The following TLN1 variants were observed in gnomAD, a reference collection of about 807,000 sequenced individuals.
TLN1 encodes talin 1, also known as talin-1.
In TLN1, 56 loss-of-function variants were observed where a neutral mutation model predicts 292.3. That is an observed-to-expected ratio of 0.19 (90% CI 0.15 to 0.24). The LOEUF (loss-of-function observed/expected upper bound fraction) is 0.24, where lower values mean the gene tolerates loss of function less well. Ranked by LOEUF, TLN1 falls within the 10% of genes least tolerant of loss-of-function variation. The pLI, the probability that TLN1 is intolerant of heterozygous loss-of-function variation, is 1.00. For synonymous variants in TLN1, 1,119 were observed against 1,253.7 expected (o/e 0.89, Z 2.27); for missense variants, 2,433 against 3,248.2 (o/e 0.75, Z 6.10).
At position 35,699,924 on chromosome 9, in the gene TLN1, C is replaced by T; in HGVS notation, c.6768+50G>A. 1 of 1,549,512 alleles carries T rather than the reference C, an allele frequency of 6.5e-7. No homozygotes were observed. The highest frequency in any genetic ancestry group is 8.8e-7 in the Non-Finnish European group (1 of 1,133,126). On this transcript the variant is annotated intron_variant, in intron 50 of 56. Coordinates refer to ENST00000314888, the MANE Select transcript of TLN1 (RefSeq NM_006289.4). The surrounding 1 kb of genome is among the most constrained non-coding windows in gnomAD (Gnocchi z 4.0). ...GGGTGCGAGGCCTGCAGGAAGAGGG[C>T]TGTGTATTCAGGGAGGCTGGTATGA...
rs781627839 is a variant in TLN1, at chr9:35,718,843, A to G, written c.1964T>C (p.Ile655Thr). 1.6e-5 allele frequency: 26 copies of G among 1,613,650 alleles called. No homozygotes were observed. The highest frequency in any genetic ancestry group is 5.3e-5 in the African/African-American group (4 of 74,898). Residue 655 changes from isoleucine to threonine, a missense_variant, in exon 17 of 57, where the codon ATT becomes ACT. Around this residue, in one of 7 missense-constraint regions of TLN1, gnomAD observed 617 missense variants for 770.6 expected, o/e 0.80. Transcript: ENST00000314888. The stretch of plus-strand genomic sequence containing the variant: ...GTGGGGGTCAGTATCACTTTCCCCA[A>G]TTTGTTGCAACAGCTCCCCACTGGC... ...GQASGELLQQ[I>T]GESDTDPHFQ...
Position 35,710,855 on chromosome 9 carries a change from T to C in TLN1, c.4145A>G (p.Gln1382Arg). The C allele has an allele frequency of 6.2e-7, 1 of 1,614,252 alleles. No homozygotes were observed. The highest frequency in any genetic ancestry group is 8.5e-7 in the Non-Finnish European group (1 of 1,180,038). ...TVRELLENPV[Q>R]PINDMSYFGC... The stretch of plus-strand genomic sequence containing the variant: ...AAAGTAGGACATGTCATTGATGGGC[T>C]GGACTGGGTTCTCCAGGAGTTCCCG... Residue 1382 changes from glutamine to arginine, a missense_variant, in exon 32 of 57, where the codon CAG (glutamine) becomes CGG (arginine). Around this residue, in one of 7 missense-constraint regions of TLN1, gnomAD observed 1,384 missense variants for 1,699.6 expected, o/e 0.81. Transcript: ENST00000314888.
At chr9:35,723,182 A>C (rs993046889) in intron 7 of TLN1, 1 of 295,754 alleles carries the variant, frequency 3.4e-6, no homozygotes, top group Non-Finnish European at 6.5e-6. Flanking sequence ...GCTCACCAAA[A>C]CCTCCACCTC....
In TLN1 at chr9:35,698,906, C is replaced by T; in HGVS notation, c.7027G>A (p.Glu2343Lys). ...KEADESLNFE[E>K]QILEAAKSIA... The stretch of plus-strand genomic sequence containing the variant: ...GACTTGGCAGCTTCTAGTATCTGCT[C>T]CTCAAAGTTCAAGGACTCATCTGCC... Residue 2343 changes from glutamate (E) to lysine (K), a missense_variant, in exon 53 of 57, where the codon GAG becomes AAG. By Grantham distance (56) the Glu-to-Lys change is moderately conservative. This residue lies in a region of TLN1 where 1,384 missense variants were observed against 1,699.6 expected (regional missense o/e 0.81). Coordinates refer to ENST00000314888, the MANE Select transcript of TLN1 (RefSeq NM_006289.4). This position sits in a 1 kb window ranked among gnomAD's most constrained non-coding sequence, Gnocchi z 5.3. 6.2e-7 allele frequency: 1 copy of T among 1,614,092 alleles called. No homozygotes were observed. Among genetic ancestry groups the T allele is most frequent in the Non-Finnish European group, 8.5e-7 (1 of 1,179,998 alleles).
chr9:35,722,231 TA>T lies in TLN1; in HGVS notation c.844-9del, dbSNP rs1825889148. 1.9e-6 allele frequency: 3 copies of T among 1,612,738 alleles called. No homozygotes were observed. In the South Asian group the frequency reaches 3.3e-5, roughly 18 times the overall value. On this transcript the variant is annotated splice_polypyrimidine_tract_variant and intron_variant, in intron 8 of 56. Transcript: ENST00000314888. ...CCCACAATTCTTGTGTGCCTGTGCA[TA>T]AAATGGGGAAGAATTTAGCAAAGAG...
At chr9:35,700,970 G>A (rs1388552848) in intron 48 of TLN1, among the ~76,000 whole-genome samples, 1 of 152,186 alleles carries the variant, frequency 6.6e-6, no homozygotes, top group Admixed American at 6.5e-5. Flanking sequence ...AAATAAACAA[G>A]CAGCAAAACT....
intron 1 of TLN1, among the ~76,000 whole-genome samples, chr9:35,727,946 T>G (rs1047867282): frequency 1.3e-5 from 2 of 152,084 alleles, no homozygotes; most frequent in Non-Finnish European, 2.9e-5. Flanking sequence ...GAATTGTGGG[T>G]GGTGGTGGCA....
rs1825702622 is a variant in TLN1 at position 35,712,950 on chromosome 9, G to C, written c.3446C>G (p.Ala1149Gly). Reference sequence around the variant, plus strand: ...ATCACTGGCCGTATCAAGTACAATGGCCTGCACTGCAGGATCTGACGTCAG... The same window carrying C: ...ATCACTGGCCGTATCAAGTACAATGCCCTGCACTGCAGGATCTGACGTCAG... ...AALTSDPAVQ[A>G]IVLDTASDVL... Residue 1149 changes from alanine (A) to glycine (G), a missense_variant, in exon 27 of 57, where the codon GCC becomes GGC. Ala to Gly is a moderately conservative substitution (Grantham distance 60). Around this residue, in one of 7 missense-constraint regions of TLN1, gnomAD observed 1,384 missense variants for 1,699.6 expected, o/e 0.81. Transcript: ENST00000314888. 6.2e-7 allele frequency: 1 copy of C among 1,610,292 alleles called. No homozygotes were observed. Among genetic ancestry groups the C allele is most frequent in the Non-Finnish European group, 8.5e-7 (1 of 1,178,668 alleles).
chr9:35,723,081 T>C (rs569033144), intron 7 of TLN1, 160 bp from the exon 8 acceptor site: 65 of 576,634 alleles, frequency 1.1e-4, no homozygotes, highest in African/African-American at 7.1e-4. Flanking sequence ...TCTTCTGAAA[T>C]AGAGGTGACT....
At chr9:35,700,694 A>G (rs1176707299) in intron 48 of TLN1, among the ~76,000 whole-genome samples, 1 of 152,238 alleles carries the variant, frequency 6.6e-6, no homozygotes, top group Non-Finnish European at 1.5e-5. Flanking sequence ...GTAGGACATG[A>G]ACAACCAAGA....
intron 33 of TLN1, 89 bp downstream of exon 33, chr9:35,710,469 ACTT>A: frequency 6.6e-7 from 1 of 1,515,166 alleles, no homozygotes; most frequent in East Asian, 2.3e-5. Flanking sequence ...GCAAACATAA[ACTT>A]CTTGATTTAT....
At position 35,724,642 on chromosome 9, in the gene TLN1, C is replaced by T; in HGVS notation, c.441G>A (p.Lys147=). The change falls in exon 5 of 57, where the codon AAG becomes AAA. Residue 147 remains lysine (K), a synonymous_variant. Transcript: ENST00000314888. This position sits in a 1 kb window ranked among gnomAD's most constrained non-coding sequence, Gnocchi z 4.7. ...KKEEITGTLR[K]DKTLLRDEKK... The stretch of plus-strand genomic sequence containing the variant: ...TTTCATCTCGCAGCAATGTCTTGTC[C>T]TTTCTTAAGGTCCCTGTTATTTCCT... The T allele has an allele frequency of 6.2e-7, 1 of 1,614,152 alleles. No individual in the cohort carries two copies. The highest frequency in any genetic ancestry group is 1.3e-5 in the African/African-American group (1 of 75,014).
chr9:35,713,520 C>T (rs1825715672), intron 25 of TLN1, among the ~76,000 whole-genome samples: 1 of 151,940 alleles, frequency 6.6e-6, no homozygotes. Flanking sequence ...CCCATCTCTA[C>T]TAAAAATACA....
chr9:35,701,142 G>A (rs1444552229), intron 48 of TLN1, among the ~76,000 whole-genome samples: 1 of 152,186 alleles, frequency 6.6e-6, no homozygotes, highest in Non-Finnish European at 1.5e-5. Context: ...GAACTGAGTG[G>A]AAGAGCCTGC....
chr9:35,717,184 G>A lies in TLN1; in HGVS notation c.2420C>T (p.Thr807Ile), dbSNP rs1825801847. The change falls in exon 19 of 57, where the codon ACC (threonine) becomes ATC (isoleucine). Residue 807 changes from threonine to isoleucine, a missense_variant. Transcript: ENST00000314888. The surrounding 1 kb of genome is among the most constrained non-coding windows in gnomAD (Gnocchi z 4.7). The stretch of plus-strand genomic sequence containing the variant: ...GGAGCTAAAGATGTTCTCAGTGACG[G>A]TTAGGATGGTGTCAGTAGCCTGGTC... Reference protein sequence around the residue: ...RYDQATDTILTVTENIFSSMG... With the variant: ...RYDQATDTILIVTENIFSSMG... 1 of 1,611,604 alleles carries A rather than the reference G, an allele frequency of 6.2e-7. No homozygotes were observed. The highest frequency in any genetic ancestry group is 8.5e-7 in the Non-Finnish European group (1 of 1,177,800).
In TLN1 at chr9:35,699,217, G is replaced by A. The variant is rs912176258; in HGVS notation, c.6875-61C>T. 9.8e-5 allele frequency: 154 copies of A among 1,576,478 alleles called. No individual in the cohort carries two copies. The highest frequency in any genetic ancestry group is 1.2e-4 in the Non-Finnish European group (142 of 1,159,696). ...AGAGTGGGGAGGTCAAAAGCACCAGGGAGCATGGTTAGTATCATCAGGCCC... is the reference window on the plus strand; with the variant it reads ...AGAGTGGGGAGGTCAAAAGCACCAGAGAGCATGGTTAGTATCATCAGGCCC... On this transcript the variant is annotated intron_variant, in intron 51 of 56. Coordinates refer to ENST00000314888, the MANE Select transcript of TLN1 (RefSeq NM_006289.4). This position sits in a 1 kb window ranked among gnomAD's most constrained non-coding sequence, Gnocchi z 4.0.
chr9:35,701,719 T>C (rs1413983147), intron 48 of TLN1, among the ~76,000 whole-genome samples: 2 of 152,180 alleles, frequency 1.3e-5, no homozygotes, highest in East Asian at 3.9e-4. Context: ...GTGGTAGTGG[T>C]AGGAGATAAA....
chr9:35,708,288 G>A (rs1311332824), intron 34 of TLN1, 53 bp downstream of exon 34: 2 of 1,529,374 alleles, frequency 1.3e-6, no homozygotes, highest in Non-Finnish European at 1.8e-6. Context: ...TACTCCACGG[G>A]GTCGGTCTGC....
chr9:35,703,980 C>T lies in TLN1; in HGVS notation c.6231+11G>A, dbSNP rs766575485. ...TGATTCCAGCCGGAATTAGGGGCAT[C>T]AGGTCACTACCTGGGTCTCAGGGTC... On this transcript the variant is annotated intron_variant, in intron 46 of 56. Transcript: ENST00000314888. The T allele has an allele frequency of 3.7e-6, 6 of 1,612,412 alleles. No homozygotes were observed. The highest frequency in any genetic ancestry group is 4.5e-5 in the East Asian group (2 of 44,862).
Sources: allele counts gnomAD v4.1 joint callset (sites outside exome capture counted in the v4.1 genomes callset), GRCh38; gene constraint gnomAD v4.1.1; regional missense constraint gnomAD v4.1.1; non-coding constraint Gnocchi (gnomAD v3.1); transcripts MANE v1.5; gene names NCBI Gene and HGNC (gene_info 2026-07-23, HGNC 2026-07-21).